The following ZNF385B variants were observed in gnomAD, a reference collection of about 807,000 sequenced individuals.
ZNF385B encodes the protein zinc finger protein 533.
A neutral mutation model predicts 39.2 loss-of-function variants in ZNF385B; 23 were observed. The observed-to-expected ratio is 0.59, with a 90% CI of 0.42 to 0.83. The LOEUF (loss-of-function observed/expected upper bound fraction) is 0.83. Ranked by LOEUF, ZNF385B falls within the 40% of genes least tolerant of loss-of-function variation. The pLI is 0.00. For synonymous variants in ZNF385B, 205 were observed against 222.6 expected, an observed-to-expected ratio of 0.92 and a Z score of 0.70; for missense variants, 552 against 598.9, an observed-to-expected ratio of 0.92 and a Z score of 0.82.
intron 5 of ZNF385B, among the ~76,000 whole-genome samples, chr2:179,500,251 TA>T (rs1172857619): frequency 6.6e-6 from 1 of 151,656 alleles, no homozygotes; most frequent in Non-Finnish European, 1.5e-5. Context: ...TTCACAGAAA[TA>T]AAAAAAACTA....
At chr2:179,469,278 G>A (rs1169082053) in intron 6 of ZNF385B, among the ~76,000 whole-genome samples, 1 of 152,142 alleles carries the variant, frequency 6.6e-6, no homozygotes, top group Non-Finnish European at 1.5e-5. Context: ...TAACACTAAC[G>A]ATAGCTGATA....
At chr2:179,635,414 A>T (rs1164518408) in intron 3 of ZNF385B, among the ~76,000 whole-genome samples, 1 of 151,864 alleles carries the variant, frequency 6.6e-6, no homozygotes, top group African/African-American at 2.4e-5. Context: ...GAATAGCATT[A>T]GGAGAAATAC....
At chr2:179,701,560 A>G (rs946437755) in intron 3 of ZNF385B, among the ~76,000 whole-genome samples, 2 of 152,242 alleles carry the variant, frequency 1.3e-5, no homozygotes, top group African/African-American at 4.8e-5. Context: ...AATCATAGAA[A>G]TGCCAGATCA....
intron 1 of ZNF385B, among the ~76,000 whole-genome samples, chr2:179,834,690 A>G (rs935838619): frequency 6.6e-6 from 1 of 152,212 alleles, no homozygotes; most frequent in Admixed American, 6.5e-5. Context: ...GTGAAAGGCT[A>G]TTAGAAAACA....
At chr2:179,791,012 A>G (rs1269818381) in intron 1 of ZNF385B, among the ~76,000 whole-genome samples, 1 of 152,174 alleles carries the variant, frequency 6.6e-6, no homozygotes, top group African/African-American at 2.4e-5. Context: ...GGAACCCAAC[A>G]AGTGCTCCTG....
At chr2:179,637,788 G>A (rs568997405) in intron 3 of ZNF385B, among the ~76,000 whole-genome samples, 190 of 152,242 alleles carry the variant, frequency 1.2e-3, no homozygotes, top group Non-Finnish European at 2.0e-3. Context: ...GTTAATCACC[G>A]CTCCATATTG....
intron 3 of ZNF385B, among the ~76,000 whole-genome samples, chr2:179,702,842 GGA>G (rs1323654849): frequency 1.3e-5 from 2 of 152,166 alleles, no homozygotes; most frequent in African/African-American, 2.4e-5. Flanking sequence ...TTTGAGGGAT[GGA>G]GACTCTTGGT....
At chr2:179,595,484 T>C (rs980575511) in intron 3 of ZNF385B, among the ~76,000 whole-genome samples, 1 of 152,100 alleles carries the variant, frequency 6.6e-6, no homozygotes, top group Non-Finnish European at 1.5e-5. Context: ...CTGTGGGCTG[T>C]GGCAGAGGTG....
intron 4 of ZNF385B, chr2:179,522,819 A>G (rs988375118): frequency 1.1e-5 from 4 of 378,484 alleles, no homozygotes; most frequent in Admixed American, 3.9e-5. Context: ...AAATAATACT[A>G]AAGATGCTTT....
At chr2:179,845,383 AT>A (rs1271248766) in intron 1 of ZNF385B, among the ~76,000 whole-genome samples, 1 of 152,186 alleles carries the variant, frequency 6.6e-6, no homozygotes, top group Non-Finnish European at 1.5e-5. Context: ...GTCTAAAAAG[AT>A]GAAAAATCTC....
Position 179,736,491 on chromosome 2 carries a change from C to A in ZNF385B, c.298+33012G>T, listed in dbSNP as rs1015127281. Among the ~76,000 whole-genome samples, 3 of 152,028 alleles carry A rather than the reference C, an allele frequency of 2.0e-5. No individual in the cohort carries two copies. In the East Asian group the frequency reaches 5.8e-4, roughly 29 times the overall value. ...GCTATGTCATGCTAAAGAAGTTTGC[C>A]GTTTAGCATGAGGTGTGTCAAGGAC... On this transcript the variant is annotated intron_variant, in intron 3 of 9. Transcript: ENST00000410066.
intron 1 of ZNF385B, among the ~76,000 whole-genome samples, chr2:179,804,035 T>G (rs368513507): frequency 6.6e-6 from 1 of 152,168 alleles, no homozygotes; most frequent in African/African-American, 2.4e-5. Context: ...CTCTGGCAAC[T>G]GTGTTACCAA....
At chr2:179,639,226 C>CAAAAAAAAAA (rs59905278) in intron 3 of ZNF385B, among the ~76,000 whole-genome samples, 22 of 93,016 alleles carry the variant, frequency 2.4e-4, no homozygotes, top group East Asian at 6.6e-4. Flanking sequence ...GATCCTGCCT[C>CAAAAAAAAAA]AAAAAAAAAA....
intron 6 of ZNF385B, among the ~76,000 whole-genome samples, chr2:179,464,944 A>G (rs2051822103): frequency 6.6e-6 from 1 of 151,860 alleles, no homozygotes; most frequent in South Asian, 2.1e-4. Flanking sequence ...TCACTCCTTA[A>G]CTCAGTTTAC....
chr2:179,841,861 G>A lies in ZNF385B; in HGVS notation c.-155+19240C>T, dbSNP rs565429151. ...GTCCTAGAACCAGATGAGATTAAAA[G>A]CAAAACACCCCAATGGCAATGGACG... On this transcript the variant is annotated intron_variant, in intron 1 of 9. Transcript: ENST00000410066. Among the ~76,000 whole-genome samples the A allele has an allele frequency of 1.9e-3, 283 of 152,260 alleles. 1 individual carries two copies. Among genetic ancestry groups the A allele is most frequent in the Non-Finnish European group, 2.3e-3 (158 of 68,018 alleles).
intron 3 of ZNF385B, among the ~76,000 whole-genome samples, chr2:179,633,838 T>C (rs1423965143): frequency 2.6e-5 from 4 of 152,206 alleles, no homozygotes; most frequent in African/African-American, 9.6e-5. Context: ...CAAAACAGCA[T>C]GGTACTGGTA....
At position 179,687,647 on chromosome 2, in the gene ZNF385B, G is replaced by A. The variant is rs544360918; in HGVS notation, c.298+81856C>T. Among the ~76,000 whole-genome samples, 6 of 152,290 alleles carry A rather than the reference G, an allele frequency of 3.9e-5. No individual in the cohort carries two copies. In the South Asian group the frequency reaches 1.0e-3, roughly 26 times the overall value. On this transcript the variant is annotated intron_variant, in intron 3 of 9. Coordinates refer to ENST00000410066, the MANE Select transcript of ZNF385B (RefSeq NM_152520.6). ...AAAGCGGGTATCATGGGAACATTGA[G>A]CAGTGATTTGGAGTCAGATCTGGAG...
rs1161307129 is a variant in ZNF385B at position 179,443,060 on chromosome 2, T to C, written c.*190A>G. The C allele has an allele frequency of 7.3e-6, 5 of 682,700 alleles. No homozygotes were observed. The highest frequency in any genetic ancestry group is 3.6e-5 in the African/African-American group (2 of 56,274). The allele number at this position is 682,700 out of a possible 1,614,324, so 42.3% of individuals were successfully genotyped here. A position where few individuals can be genotyped will look rare whatever the true frequency, so the allele number is the denominator to read the frequency against. On this transcript the variant is annotated 3_prime_UTR_variant, in exon 10 of 10. Coordinates refer to ENST00000410066, the MANE Select transcript of ZNF385B (RefSeq NM_152520.6). ...GCCTATGCTGCTGATTCCTCAATTA[T>C]AGGAGCAGTCTCTAAAAGCCCTCGT...
chr2:179,449,979 C>G (rs981396399), intron 6 of ZNF385B, among the ~76,000 whole-genome samples: 2 of 143,784 alleles, frequency 1.4e-5, no homozygotes, highest in African/African-American at 5.0e-5. Context: ...TTTGACAAAC[C>G]TGACAAAAAC....
Sources: gnomAD v4.1 joint callset for allele counts (sites outside exome capture counted in the v4.1 genomes callset) on GRCh38, gnomAD v4.1.1 for gene constraint, MANE v1.5 for transcripts, NCBI Gene and HGNC (gene_info 2026-07-23, HGNC 2026-07-21) for gene names.